Variants in ARHGAP10 observed in about 807,000 individuals in gnomAD.
ARHGAP10 encodes Rho GTPase activating protein 10, also known as rho GTPase-activating protein 10.
Under a neutral mutation model 108.6 loss-of-function variants are expected in ARHGAP10, and 87 were observed. That is an observed-to-expected ratio of 0.80 (90% CI 0.67 to 0.96). The LOEUF is 0.96. Ranked by LOEUF, ARHGAP10 falls within the 40% of genes least tolerant of loss-of-function variation. The probability of loss-of-function intolerance (pLI) is 0.00; values close to 1 mark genes in which losing one functional copy is unlikely to be tolerated. For synonymous variants in ARHGAP10, 347 were observed against 341.1 expected (o/e 1.02, Z -0.19); for missense variants, 939 against 954.5 (o/e 0.98, Z 0.21).
chr4:147,755,592 A>C (rs1385254732), intron 1 of ARHGAP10, among the ~76,000 whole-genome samples: 2 of 152,226 alleles, frequency 1.3e-5, no homozygotes, highest in Non-Finnish European at 2.9e-5. Context: ...TGTTTTGGAA[A>C]ACACTAACAT....
At chr4:147,910,828 G>A (rs1214202505) in intron 12 of ARHGAP10, among the ~76,000 whole-genome samples, 1 of 152,094 alleles carries the variant, frequency 6.6e-6, no homozygotes, top group Non-Finnish European at 1.5e-5. Context: ...CAATATAATT[G>A]TGATCACTTG....
chr4:147,843,882 T>C (rs576619096), intron 3 of ARHGAP10, among the ~76,000 whole-genome samples: 54 of 152,362 alleles, frequency 3.5e-4, no homozygotes, highest in African/African-American at 1.2e-3. Flanking sequence ...CGTTTACCTC[T>C]GTTCTTTCAT....
At chr4:147,773,768 G>A (rs1008329274) in intron 1 of ARHGAP10, among the ~76,000 whole-genome samples, 4 of 152,144 alleles carry the variant, frequency 2.6e-5, no homozygotes, top group Non-Finnish European at 5.9e-5. Flanking sequence ...CTCTACCTTG[G>A]TTCTTTAGAA....
chr4:147,948,721 C>T (rs1738480013), intron 15 of ARHGAP10, among the ~76,000 whole-genome samples: 1 of 151,968 alleles, frequency 6.6e-6, no homozygotes, highest in Admixed American at 6.6e-5. Flanking sequence ...CTTTGGGAGG[C>T]CGAGGCAGGC....
chr4:147,753,875 C>G (rs1384100369), intron 1 of ARHGAP10, among the ~76,000 whole-genome samples: 1 of 152,178 alleles, frequency 6.6e-6, no homozygotes, highest in Non-Finnish European at 1.5e-5. Context: ...AGTCCTTCCT[C>G]TTGATGCTTA....
intron 1 of ARHGAP10, among the ~76,000 whole-genome samples, chr4:147,766,820 ATATATATATATATATATATT>A (rs1474236142): frequency 8.9e-3 from 102 of 11,430 alleles, no homozygotes; most frequent in East Asian, 0.031. Flanking sequence ...ATATATATAT[ATATATATATATATATATATT>A]TATTTATTTA....
chr4:147,929,088 ATGTT>A (rs1202570172), intron 13 of ARHGAP10, among the ~76,000 whole-genome samples: 2 of 152,202 alleles, frequency 1.3e-5, no homozygotes, highest in African/African-American at 4.8e-5. Flanking sequence ...TTTCCAAGAT[ATGTT>A]TGTTTTTTAT....
At chr4:147,870,928 CTGTGTGTGTGTGTGTGTGTGTGTGTG>C (rs57348496) in intron 7 of ARHGAP10, among the ~76,000 whole-genome samples, 1 of 139,056 alleles carries the variant, frequency 7.2e-6, no homozygotes, top group Admixed American at 7.3e-5. Context: ...AAACTACAGA[CTGTGTGTGTGTGTGTGTGTGTGTGTG>C]TGTGTGTGTG....
At chr4:147,799,884 T>G (rs1450790194) in intron 1 of ARHGAP10, among the ~76,000 whole-genome samples, 3 of 152,176 alleles carry the variant, frequency 2.0e-5, no homozygotes, top group African/African-American at 7.2e-5. Flanking sequence ...TTTGACTGTA[T>G]TCTGGACATT....
At chr4:147,908,136 AC>A (rs1206044762) in intron 11 of ARHGAP10, among the ~76,000 whole-genome samples, 1 of 151,948 alleles carries the variant, frequency 6.6e-6, no homozygotes, top group Admixed American at 6.6e-5. Context: ...GAGCCACCAC[AC>A]CCAGCCTTAT....
intron 19 of ARHGAP10, among the ~76,000 whole-genome samples, chr4:148,042,008 C>A (rs1728653825): frequency 6.6e-6 from 1 of 152,198 alleles, no homozygotes; most frequent in African/African-American, 2.4e-5. Context: ...AAAACTATCC[C>A]AGGCTTCTCT....
intron 1 of ARHGAP10, among the ~76,000 whole-genome samples, chr4:147,814,654 A>T (rs138093786): frequency 6.6e-6 from 1 of 152,242 alleles, no homozygotes; most frequent in East Asian, 1.9e-4. Flanking sequence ...TTTGCTACCA[A>T]AATGTTTGAA....
At chr4:147,885,733 C>T (rs1364896733) in intron 10 of ARHGAP10, among the ~76,000 whole-genome samples, 1 of 152,148 alleles carries the variant, frequency 6.6e-6, no homozygotes, top group Non-Finnish European at 1.5e-5. Context: ...TCTCTTGGTC[C>T]TCTCCAGTTC....
At chr4:147,859,579 T>G (rs1256294654) in intron 5 of ARHGAP10, among the ~76,000 whole-genome samples, 1 of 152,150 alleles carries the variant, frequency 6.6e-6, no homozygotes, top group East Asian at 1.9e-4. Flanking sequence ...CAGCCTATTT[T>G]TTTTCATAGT....
At chr4:147,759,493 TAGGGC>T (rs1439090154) in intron 1 of ARHGAP10, among the ~76,000 whole-genome samples, 3 of 152,068 alleles carry the variant, frequency 2.0e-5, no homozygotes, top group African/African-American at 7.2e-5. Flanking sequence ...AGAATCCCTT[TAGGGC>T]AGGAGTTCGA....
intron 1 of ARHGAP10, among the ~76,000 whole-genome samples, chr4:147,743,520 G>A (rs1166810425): frequency 2.0e-5 from 3 of 151,938 alleles, no homozygotes; most frequent in Non-Finnish European, 4.4e-5. Context: ...GTGCACGCCT[G>A]TAATTCCAGC....
chr4:147,831,142 G>C (rs1033886658), intron 3 of ARHGAP10, among the ~76,000 whole-genome samples: 2 of 152,224 alleles, frequency 1.3e-5, no homozygotes, highest in Non-Finnish European at 2.9e-5. Context: ...TACTGGCTTA[G>C]GGTGCTAGTG....
rs566328165 is a variant in ARHGAP10, at chr4:147,852,283, A to G, written c.384+5061A>G. Reference sequence around the variant, plus strand: ...GTGACTCTGGAGCCACCACTGAGGAACCGAGGTGGCACTTTGCCAGCGTTG... The same window carrying G: ...GTGACTCTGGAGCCACCACTGAGGAGCCGAGGTGGCACTTTGCCAGCGTTG... On this transcript the variant is annotated intron_variant, in intron 4 of 22. Coordinates refer to ENST00000336498, the MANE Select transcript of ARHGAP10 (RefSeq NM_024605.4). 5.9e-5 allele frequency among the ~76,000 whole-genome samples: 9 copies of G among 152,302 alleles called. No homozygotes were observed. In the East Asian group the frequency reaches 1.7e-3, roughly 29 times the overall value.
intron 22 of ARHGAP10, among the ~76,000 whole-genome samples, chr4:148,067,283 G>T (rs536391531): frequency 3.9e-5 from 6 of 152,330 alleles, no homozygotes; most frequent in African/African-American, 9.6e-5. Flanking sequence ...CTTAAGCAGG[G>T]TTTATCTGTG....
Sources: allele counts gnomAD v4.1 joint callset (sites outside exome capture counted in the v4.1 genomes callset), GRCh38; gene constraint gnomAD v4.1.1; transcripts MANE v1.5; gene names NCBI Gene and HGNC (gene_info 2026-07-23, HGNC 2026-07-21).